AK3: variants seen among roughly 807,000 people sequenced by gnomAD.
AK3 encodes GTP:AMP phosphotransferase AK3, mitochondrial.
AK3 carries 27 observed loss-of-function variants against 23.7 expected under a neutral mutation model. The ratio of observed to expected loss-of-function variants is 1.14; its 90% confidence interval spans 0.84 to 1.57. The LOEUF (loss-of-function observed/expected upper bound fraction) is 1.57. Ranked by LOEUF, AK3 falls within the 40% of genes most tolerant of loss-of-function variation. AK3 has a pLI of 0.00. For missense variants in AK3, 406 were observed against 285.6 expected (o/e 1.42, Z -3.04); for synonymous variants, 159 against 116.0 (o/e 1.37, Z -2.38).
Position 4,710,753 on chromosome 9 carries a change from AAAT to A in AK3, c.*2220_*2222del, listed in dbSNP as rs148139946. The A allele has an allele frequency of 0.14, 20,624 of 151,888 alleles. 1,582 individuals are homozygous for A. The highest frequency in any genetic ancestry group is 0.18 in the Non-Finnish European group (12,060 of 67,924). 9.4% of individuals were successfully genotyped at this position (151,888 alleles called of 1,614,324 possible). On this transcript the variant is annotated 3_prime_UTR_variant, in exon 5 of 5. Coordinates refer to ENST00000381809, the MANE Select transcript of AK3 (RefSeq NM_016282.4). ...ATATCGAGACGCCGTCTCTACAAAAAAATAAAATTAGCCAGGCATGGTGGTACA... is the reference window on the plus strand; with the variant it reads ...ATATCGAGACGCCGTCTCTACAAAAAAAAATTAGCCAGGCATGGTGGTACA...
intron 3 of AK3, among the ~76,000 whole-genome samples, 175 bp downstream of exon 3, chr9:4,718,960 G>A (rs1841814609): frequency 6.6e-6 from 1 of 152,118 alleles, no homozygotes; most frequent in Non-Finnish European, 1.5e-5. Flanking sequence ...TGCTCCTGGG[G>A]CAACCTTTCG....
At chr9:4,740,833 G>C (rs1842411884) in intron 1 of AK3, 104 bp downstream of exon 1, 1 of 1,296,432 alleles carries the variant, frequency 7.7e-7, no homozygotes, top group Non-Finnish European at 1.0e-6. Flanking sequence ...GGAGGGAAAT[G>C]CCGCGCCCGC....
intron 1 of AK3, among the ~76,000 whole-genome samples, chr9:4,734,973 G>C (rs555062614): frequency 1.3e-5 from 2 of 151,946 alleles, no homozygotes; most frequent in Admixed American, 1.3e-4. Flanking sequence ...CAGGAGGTGA[G>C]TTGGTGTTGC....
chr9:4,736,472 CA>C (rs34296493), intron 1 of AK3, among the ~76,000 whole-genome samples: 30,602 of 81,160 alleles, frequency 0.38, 3,238 homozygotes, highest in Middle Eastern at 0.5. Context: ...TTTACCATTC[CA>C]AAAAAAAAAA....
Position 4,713,896 on chromosome 9 carries a change from A to T in AK3, c.564-800T>A. ...AATACCCGTCCTCTAGCCCATGCGT[A>T]CACCTACGCCTACACATATACACCT... On this transcript the variant is annotated intron_variant, in intron 4 of 4. Coordinates refer to ENST00000381809, the MANE Select transcript of AK3 (RefSeq NM_016282.4). 1.4e-5 allele frequency among the ~76,000 whole-genome samples: 2 copies of T among 146,186 alleles called. 1 individual carries two copies. The highest frequency in any genetic ancestry group is 3.0e-5 in the Non-Finnish European group (2 of 66,090).
chr9:4,737,288 ATC>A (rs71326131), intron 1 of AK3, among the ~76,000 whole-genome samples: 27,339 of 152,062 alleles, frequency 0.18, 3,102 homozygotes, highest in East Asian at 0.44. Context: ...TAAAATGTCT[ATC>A]TCATGAATCT....
In AK3 at chr9:4,741,102, G is replaced by A. The variant is rs1039904205; in HGVS notation, c.-15C>T. ...GACGCCCCCATGGCCGCAGACTGAG[G>A]CCCGCACCGCGCGGGTACCAGGGCT... On this transcript the variant is annotated 5_prime_UTR_variant, in exon 1 of 5. Transcript: ENST00000381809. 2.0e-6 allele frequency: 3 copies of A among 1,504,904 alleles called. No individual in the cohort carries two copies. The highest frequency in any genetic ancestry group is 2.2e-5 in the Admixed American group (1 of 44,516). The allele number at this position is 1,504,904 out of a possible 1,614,324, so 93.2% of individuals were successfully genotyped here.
At chr9:4,716,703 G>T (rs1203293325) in intron 4 of AK3, among the ~76,000 whole-genome samples, 1 of 152,190 alleles carries the variant, frequency 6.6e-6, no homozygotes, top group Admixed American at 6.5e-5. Context: ...GGCCGAGGCA[G>T]GAGGGTTGCC....
chr9:4,712,018 C>G lies in AK3; in HGVS notation c.*958G>C, dbSNP rs569637341. 1 of 152,270 alleles carries G rather than the reference C, an allele frequency of 6.6e-6. No individual in the cohort carries two copies. Among genetic ancestry groups the G allele is most frequent in the Non-Finnish European group, 1.5e-5 (1 of 68,026 alleles). The allele number at this position is 152,270 out of a possible 1,614,324, so 9.4% of individuals were successfully genotyped here. A position where few individuals can be genotyped will look rare whatever the true frequency, so the allele number is the denominator to read the frequency against. ...ATCTATTTACTAACAACAAAGTATG[C>G]TTACTTTATTTACATAGTGCCACGG... On this transcript the variant is annotated 3_prime_UTR_variant, in exon 5 of 5. Coordinates refer to ENST00000381809, the MANE Select transcript of AK3 (RefSeq NM_016282.4).
intron 1 of AK3, among the ~76,000 whole-genome samples, chr9:4,726,776 T>G (rs2130894789): frequency 6.6e-6 from 1 of 151,160 alleles, no homozygotes; most frequent in East Asian, 1.9e-4. Context: ...TTCCCTAAGT[T>G]TTTCTATTTA....
intron 4 of AK3, among the ~76,000 whole-genome samples, 168 bp downstream of exon 4, chr9:4,718,251 C>G (rs186799235): frequency 6.6e-6 from 1 of 152,348 alleles, no homozygotes; most frequent in Non-Finnish European, 1.5e-5. Flanking sequence ...TGAAGCCCAA[C>G]CTACCTTCTG....
Position 4,741,174 on chromosome 9 carries a change from G to T in AK3, c.-87C>A. The T allele has an allele frequency of 1.5e-6, 2 of 1,297,306 alleles. No homozygotes were observed. Among genetic ancestry groups the T allele is most frequent in the South Asian group, 2.0e-5 (1 of 48,806 alleles). 80.4% of individuals were successfully genotyped at this position (1,297,306 alleles called of 1,614,324 possible). A position where few individuals can be genotyped will look rare whatever the true frequency, so the allele number is the denominator to read the frequency against. ...CCCGCTCGGCAGCCTGCGCCGGCCG[G>T]CTAGCAGCGCCACTAGCAGGCGGCT... is the stretch of plus-strand genomic sequence containing the variant. On this transcript the variant is annotated 5_prime_UTR_variant, in exon 1 of 5. Transcript: ENST00000381809.
chr9:4,714,475 T>C (rs762190251), intron 4 of AK3, among the ~76,000 whole-genome samples: 8 of 152,182 alleles, frequency 5.3e-5, no homozygotes, highest in Admixed American at 1.3e-4. Context: ...ACAGCATTCT[T>C]GGGATATTAG....
chr9:4,722,010 CA>C (rs1278410873), intron 2 of AK3, among the ~76,000 whole-genome samples: 1 of 151,998 alleles, frequency 6.6e-6, no homozygotes, highest in Non-Finnish European at 1.5e-5. Flanking sequence ...TATCCTCTTC[CA>C]AAAAAGGATA....
At chr9:4,737,284 GTCTA>G (rs997758881) in intron 1 of AK3, among the ~76,000 whole-genome samples, 1 of 144,878 alleles carries the variant, frequency 6.9e-6, no homozygotes, top group Non-Finnish European at 1.5e-5. Context: ...TATCTAAAAT[GTCTA>G]TCTCATGAAT....
chr9:4,729,015 A>ATATATATATATATATATATTT (rs71326127), intron 1 of AK3, among the ~76,000 whole-genome samples: 3 of 129,434 alleles, frequency 2.3e-5, no homozygotes, highest in Non-Finnish European at 3.2e-5. Context: ...ATATATATAT[A>ATATATATATATATATATATTT]TTTTTTTTTT....
intron 1 of AK3, among the ~76,000 whole-genome samples, chr9:4,735,665 C>T (rs1842274500): frequency 6.7e-6 from 1 of 149,646 alleles, no homozygotes; most frequent in Non-Finnish European, 1.5e-5. Context: ...GACGGGGTCT[C>T]ACCATGTTGA....
chr9:4,725,206 T>C (rs1260813306), intron 1 of AK3, among the ~76,000 whole-genome samples: 1 of 151,674 alleles, frequency 6.6e-6, no homozygotes, highest in African/African-American at 2.4e-5. Context: ...GTATTTTTAG[T>C]AGAGACAGGG....
intron 1 of AK3, among the ~76,000 whole-genome samples, chr9:4,730,385 T>A (rs1842125453): frequency 6.6e-6 from 1 of 150,996 alleles, no homozygotes; most frequent in African/African-American, 2.5e-5. Flanking sequence ...AGATGAAAAA[T>A]TCCCAGTAAG....
Sources: gnomAD v4.1 joint callset for allele counts (sites outside exome capture counted in the v4.1 genomes callset) on GRCh38, gnomAD v4.1.1 for gene constraint, MANE v1.5 for transcripts, NCBI Gene and HGNC (gene_info 2026-07-23, HGNC 2026-07-21) for gene names.